The following CPA6 variants were observed in gnomAD, a reference collection of about 807,000 sequenced individuals.
CPA6 encodes the protein carboxypeptidase B.
In CPA6, 58 loss-of-function variants were observed where a neutral mutation model predicts 63.3. The observed-to-expected ratio is 0.92, with a 90% CI of 0.74 to 1.14. The LOEUF (loss-of-function observed/expected upper bound fraction) is 1.14, where lower values mean the gene tolerates loss of function less well. CPA6 is among the 50% of genes most tolerant of loss of function. The pLI, the probability that CPA6 is intolerant of heterozygous loss-of-function variation, is 0.00. For synonymous variants in CPA6, 185 were observed against 179.0 expected, an observed-to-expected ratio of 1.03 and a Z score of -0.27; for missense variants, 565 against 526.6, an observed-to-expected ratio of 1.07 and a Z score of -0.71.
Position 67,503,532 on chromosome 8 carries a change from T to A in CPA6, c.636+3255A>T, listed in dbSNP as rs548844376. On this transcript the variant is annotated intron_variant, in intron 6 of 10. Transcript: ENST00000297770. ...TATGTTGCCCAGGCTGATCTCGAAT[T>A]CCTGGGCTCAAGTGATCCTCCTGCC... Among the ~76,000 whole-genome samples, 205 of 151,352 alleles carry A rather than the reference T, an allele frequency of 1.4e-3. 3 individuals carry two copies. The highest frequency in any genetic ancestry group is 4.5e-3 in the African/African-American group (185 of 41,184).
At chr8:67,650,385 A>G (rs993889911) in intron 1 of CPA6, among the ~76,000 whole-genome samples, 2 of 152,106 alleles carry the variant, frequency 1.3e-5, no homozygotes, top group African/African-American at 4.8e-5. Flanking sequence ...CAGTTCTCTT[A>G]GCTCTATGTT....
intron 1 of CPA6, among the ~76,000 whole-genome samples, chr8:67,696,542 G>T (rs1460818533): frequency 6.6e-6 from 1 of 151,902 alleles, no homozygotes; most frequent in Admixed American, 6.6e-5. Context: ...AGAAATGAAA[G>T]CCTATGTCCA....
chr8:67,569,240 A>G (rs1267367124), intron 2 of CPA6, among the ~76,000 whole-genome samples: 1 of 152,220 alleles, frequency 6.6e-6, no homozygotes, highest in Non-Finnish European at 1.5e-5. Context: ...TAAGAAATAT[A>G]TCATATACAA....
At chr8:67,575,954 C>T (rs756903068) in intron 2 of CPA6, among the ~76,000 whole-genome samples, 1 of 151,754 alleles carries the variant, frequency 6.6e-6, no homozygotes, top group Non-Finnish European at 1.5e-5. Context: ...ACAAATAATA[C>T]ATGTTCTCAC....
At chr8:67,461,828 C>A (rs896064459) in intron 8 of CPA6, among the ~76,000 whole-genome samples, 4 of 152,170 alleles carry the variant, frequency 2.6e-5, no homozygotes, top group Non-Finnish European at 5.9e-5. Context: ...CTGACCCCCC[C>A]ACCTCCCTCC....
chr8:67,578,152 C>T (rs1357108772), intron 2 of CPA6, among the ~76,000 whole-genome samples: 3 of 152,122 alleles, frequency 2.0e-5, no homozygotes, highest in Non-Finnish European at 4.4e-5. Flanking sequence ...TTGCCCCGGA[C>T]TGTTGTTTAC....
chr8:67,678,099 G>A (rs1816516081), intron 1 of CPA6, among the ~76,000 whole-genome samples: 1 of 152,018 alleles, frequency 6.6e-6, no homozygotes, highest in African/African-American at 2.4e-5. Context: ...GTGGTGGTGT[G>A]TGCCTGTAGT....
intron 2 of CPA6, among the ~76,000 whole-genome samples, chr8:67,524,232 C>T (rs1812316615): frequency 6.6e-6 from 1 of 152,172 alleles, no homozygotes; most frequent in Non-Finnish European, 1.5e-5. Flanking sequence ...TGTCTGCTTT[C>T]ATAGAATTTT....
intron 1 of CPA6, among the ~76,000 whole-genome samples, chr8:67,630,380 C>T (rs1337285331): frequency 1.3e-5 from 2 of 152,056 alleles, no homozygotes; most frequent in African/African-American, 2.4e-5. Context: ...CTAAAGAAAA[C>T]CCACACAGAC....
intron 8 of CPA6, among the ~76,000 whole-genome samples, chr8:67,472,441 T>TTTTATTTTA (rs1491409676): frequency 2.6e-5 from 4 of 151,502 alleles, no homozygotes; most frequent in African/African-American, 7.3e-5. Context: ...TTTTATTTTA[T>TTTTATTTTA]TGAGACAGGG....
At chr8:67,696,487 T>C (rs1816914750) in intron 1 of CPA6, among the ~76,000 whole-genome samples, 1 of 152,196 alleles carries the variant, frequency 6.6e-6, no homozygotes, top group Admixed American at 6.5e-5. Flanking sequence ...TTAACATACA[T>C]TTACTATATG....
chr8:67,664,975 T>C (rs777006194), intron 1 of CPA6, among the ~76,000 whole-genome samples: 3 of 152,136 alleles, frequency 2.0e-5, no homozygotes, highest in Non-Finnish European at 4.4e-5. Flanking sequence ...AGGTACTACC[T>C]AGGAAAGGGC....
At chr8:67,720,199 C>T (rs1243931931) in intron 1 of CPA6, among the ~76,000 whole-genome samples, 2 of 134,936 alleles carry the variant, frequency 1.5e-5, no homozygotes, top group Non-Finnish European at 3.1e-5. Context: ...GCTTTTTGAG[C>T]CAGGATGAGC....
intron 1 of CPA6, among the ~76,000 whole-genome samples, chr8:67,723,270 T>G (rs1369471784): frequency 2.6e-5 from 4 of 152,198 alleles, no homozygotes; most frequent in Non-Finnish European, 4.4e-5. Context: ...ACAGGTATTT[T>G]CTAATAGGAT....
chr8:67,436,711 TAAGG>T (rs952214696), intron 8 of CPA6, among the ~76,000 whole-genome samples: 7 of 151,978 alleles, frequency 4.6e-5, no homozygotes, highest in African/African-American at 9.7e-5. Context: ...TTAAGAGGTC[TAAGG>T]AAGGAAGGAA....
chr8:67,446,212 G>A (rs1810410066), intron 8 of CPA6, among the ~76,000 whole-genome samples: 1 of 148,260 alleles, frequency 6.7e-6, no homozygotes, highest in Non-Finnish European at 1.5e-5. Flanking sequence ...CTTGCAGTGA[G>A]TGGAGATGCG....
At chr8:67,520,594 A>G (rs1164822805) in intron 2 of CPA6, among the ~76,000 whole-genome samples, 1 of 152,204 alleles carries the variant, frequency 6.6e-6, no homozygotes, top group Non-Finnish European at 1.5e-5. Flanking sequence ...GACTTACGGG[A>G]CAGTAATTAC....
At chr8:67,529,014 C>A (rs1482779600) in intron 2 of CPA6, among the ~76,000 whole-genome samples, 1 of 151,334 alleles carries the variant, frequency 6.6e-6, no homozygotes, top group African/African-American at 2.4e-5. Flanking sequence ...AATAGTCTCA[C>A]CTTACATAAG....
At chr8:67,461,821 AC>A (rs1320178349) in intron 8 of CPA6, among the ~76,000 whole-genome samples, 3 of 151,190 alleles carry the variant, frequency 2.0e-5, no homozygotes, top group South Asian at 4.2e-4. Flanking sequence ...CGGGGGGCTG[AC>A]CCCCCCACCT....
Sources: gnomAD v4.1 joint callset for allele counts (sites outside exome capture counted in the v4.1 genomes callset) on GRCh38, gnomAD v4.1.1 for gene constraint, MANE v1.5 for transcripts, NCBI Gene and HGNC (gene_info 2026-07-23, HGNC 2026-07-21) for gene names.